Variants in SCHIP1 observed in about 807,000 individuals in gnomAD.
SCHIP1 encodes schwannomin-interacting protein 1.
A neutral mutation model predicts 29.7 loss-of-function variants in SCHIP1; 8 were observed. The ratio of observed to expected loss-of-function variants is 0.27; its 90% confidence interval spans 0.16 to 0.49. The LOEUF is 0.49. Among genes scored for constraint, SCHIP1 ranks in the 20% least tolerant of loss-of-function variants. The pLI, the probability that SCHIP1 is intolerant of heterozygous loss-of-function variation, is 0.99. For synonymous variants in SCHIP1, 76 were observed against 94.9 expected (o/e 0.80, Z 1.16); for missense variants, 193 against 294.6 (o/e 0.66, Z 2.52).
At chr3:159,301,411 T>G in the SCHIP1 span, among the ~76,000 whole-genome samples, 1 of 152,184 alleles carries the variant, frequency 6.6e-6, no homozygotes, top group Non-Finnish European at 1.5e-5. Context: ...CTGTGGCTCC[T>G]GGAACATGGT....
At chr3:159,776,979 A>C in the SCHIP1 span, among the ~76,000 whole-genome samples, 1 of 152,112 alleles carries the variant, frequency 6.6e-6, no homozygotes, top group Admixed American at 6.5e-5. Context: ...CCAGGGGTAA[A>C]GGGGCAGCTG....
At chr3:159,335,854 T>G in the SCHIP1 span, among the ~76,000 whole-genome samples, 4 of 152,224 alleles carry the variant, frequency 2.6e-5, no homozygotes, top group Non-Finnish European at 5.9e-5. Flanking sequence ...TTTGGATATA[T>G]ACCCAGTAAT....
At chr3:159,666,884 C>T in the SCHIP1 span, among the ~76,000 whole-genome samples, 2 of 152,196 alleles carry the variant, frequency 1.3e-5, no homozygotes, top group African/African-American at 2.4e-5. Flanking sequence ...ATGTCTACAT[C>T]GGTCAAGGTT....
the SCHIP1 span, among the ~76,000 whole-genome samples, chr3:159,438,036 A>G: frequency 2.0e-5 from 3 of 152,114 alleles, no homozygotes; most frequent in Admixed American, 2.0e-4. Context: ...GATTTCATAT[A>G]TGTAAAGTGC....
chr3:159,477,921 T>TTTTC, the SCHIP1 span, among the ~76,000 whole-genome samples: 1 of 37,436 alleles, frequency 2.7e-5, no homozygotes, highest in African/African-American at 1.2e-4. Flanking sequence ...ATTTTAAATC[T>TTTTC]TTTTTTTTTT....
At chr3:159,354,811 G>A in the SCHIP1 span, among the ~76,000 whole-genome samples, 3 of 152,098 alleles carry the variant, frequency 2.0e-5, no homozygotes, top group Admixed American at 1.3e-4. Context: ...GTTTCACATC[G>A]AGGACTAGAT....
At chr3:159,811,942 C>G in the SCHIP1 span, among the ~76,000 whole-genome samples, 12 of 148,132 alleles carry the variant, frequency 8.1e-5, no homozygotes, top group African/African-American at 3.0e-4. Flanking sequence ...TATAATTTCT[C>G]TTAGCAATGT....
chr3:159,653,112 A>G, the SCHIP1 span, among the ~76,000 whole-genome samples: 1 of 152,198 alleles, frequency 6.6e-6, no homozygotes, highest in Non-Finnish European at 1.5e-5. Context: ...GGCTGTGGAG[A>G]AATAGGAACA....
chr3:159,340,394 T>C, the SCHIP1 span, among the ~76,000 whole-genome samples: 1 of 152,044 alleles, frequency 6.6e-6, no homozygotes, highest in South Asian at 2.1e-4. Context: ...TTTATATTGT[T>C]TCAAGAATCA....
chr3:159,758,075 C>T, the SCHIP1 span, among the ~76,000 whole-genome samples: 1 of 152,212 alleles, frequency 6.6e-6, no homozygotes, highest in Non-Finnish European at 1.5e-5. Flanking sequence ...AACTTCCCCA[C>T]CTTTTTCTAA....
At chr3:159,395,672 G>A in the SCHIP1 span, among the ~76,000 whole-genome samples, 1 of 152,186 alleles carries the variant, frequency 6.6e-6, no homozygotes, top group Non-Finnish European at 1.5e-5. Context: ...TGATTGCACT[G>A]TGGTCTGAGA....
At chr3:159,385,599 A>T in the SCHIP1 span, among the ~76,000 whole-genome samples, 1 of 152,128 alleles carries the variant, frequency 6.6e-6, no homozygotes, top group South Asian at 2.1e-4. Context: ...CCAAAAAAAA[A>T]AAAAACCCAG....
chr3:159,790,347 C>T, the SCHIP1 span, among the ~76,000 whole-genome samples: 3 of 152,204 alleles, frequency 2.0e-5, no homozygotes, highest in African/African-American at 4.8e-5. Context: ...TTCATATGCT[C>T]GGTTTCCTTT....
chr3:159,863,117 G>A (rs1577453082), intron 1 of SCHIP1, among the ~76,000 whole-genome samples: 3 of 152,284 alleles, frequency 2.0e-5, no homozygotes, highest in South Asian at 4.1e-4. Flanking sequence ...TGAGGCAGGC[G>A]GATCACGAGG....
the SCHIP1 span, among the ~76,000 whole-genome samples, chr3:159,347,882 T>G: frequency 6.6e-6 from 1 of 152,284 alleles, no homozygotes; most frequent in African/African-American, 2.4e-5. Context: ...AAAGATGTCA[T>G]TTTATTCACA....
chr3:159,556,727 A>C, the SCHIP1 span, among the ~76,000 whole-genome samples: 4 of 132,530 alleles, frequency 3.0e-5, no homozygotes, highest in African/African-American at 1.1e-4. Context: ...ATGAGAACAC[A>C]TGGACACAGG....
chr3:159,846,690 T>C (rs1711884547), intron 1 of SCHIP1, among the ~76,000 whole-genome samples: 1 of 152,252 alleles, frequency 6.6e-6, no homozygotes, highest in Admixed American at 6.5e-5. Context: ...TTCTGTTTTA[T>C]TCTATAGATT....
the SCHIP1 span, among the ~76,000 whole-genome samples, chr3:159,330,338 A>G: frequency 6.6e-6 from 1 of 152,194 alleles, no homozygotes; most frequent in Non-Finnish European, 1.5e-5. Context: ...TGTCATGAGA[A>G]ATGTATTAAG....
At chr3:159,694,192 A>T in the SCHIP1 span, among the ~76,000 whole-genome samples, 189 of 152,164 alleles carry the variant, frequency 1.2e-3, no homozygotes, top group African/African-American at 4.5e-3. Flanking sequence ...TATTTTTGTA[A>T]TAGAGATTGT....
Sources: gnomAD v4.1 joint callset for allele counts (sites outside exome capture counted in the v4.1 genomes callset) on GRCh38, gnomAD v4.1.1 for gene constraint, MANE v1.5 for transcripts, NCBI Gene and HGNC (gene_info 2026-07-23, HGNC 2026-07-21) for gene names.